Variants in PODN observed in about 807,000 individuals in gnomAD.
The protein encoded by PODN is podocan proteoglycan.
Under a neutral mutation model 52.7 loss-of-function variants are expected in PODN, and 40 were observed. The observed-to-expected ratio is 0.76, with a 90% CI of 0.59 to 0.99. The LOEUF (loss-of-function observed/expected upper bound fraction) is 0.99. PODN is among the 50% of genes least tolerant of loss of function. PODN has a pLI of 0.00. For synonymous variants in PODN, 396 were observed against 377.9 expected, an observed-to-expected ratio of 1.05 and a Z score of -0.56; for missense variants, 720 against 815.1, an observed-to-expected ratio of 0.88 and a Z score of 1.42.
chr1:53,064,886 A>G (rs2150290430), intron 1 of PODN, among the ~76,000 whole-genome samples: 1 of 152,314 alleles, frequency 6.6e-6, no homozygotes, highest in African/African-American at 2.4e-5. Context: ...CTGTCTCTAA[A>G]GCTCTCCATA....
chr1:53,074,135 T>A (rs1319040177), intron 3 of PODN, among the ~76,000 whole-genome samples: 1 of 152,204 alleles, frequency 6.6e-6, no homozygotes, highest in Non-Finnish European at 1.5e-5. Flanking sequence ...GGGCTCCCGG[T>A]AGCAGCCGAG....
At chr1:53,076,072 C>T (rs1479035693) in intron 5 of PODN, 101 bp downstream of exon 5, 2 of 1,033,682 alleles carry the variant, frequency 1.9e-6, no homozygotes, top group African/African-American at 3.2e-5. Flanking sequence ...CCGAAGGAGG[C>T]CCTGCACTCA....
chr1:53,063,094 C>G (rs1333186517), intron 1 of PODN, among the ~76,000 whole-genome samples: 1 of 152,184 alleles, frequency 6.6e-6, no homozygotes, highest in African/African-American at 2.4e-5. Context: ...CGGCCTGGGG[C>G]GGGGGACGAG....
In PODN at chr1:53,084,536, T is replaced by TCTGCA. The variant is rs1225292355; in HGVS notation, c.*52_*56dup. 1 of 152,316 alleles carries TCTGCA rather than the reference T, an allele frequency of 6.6e-6. No individual in the cohort carries two copies. Among genetic ancestry groups the TCTGCA allele is most frequent in the African/African-American group, 2.4e-5 (1 of 41,376 alleles). 9.4% of individuals were successfully genotyped at this position (152,316 alleles called of 1,614,324 possible). ...AGGACGATGGACCGCCGGACTCTTT[T>TCTGCA]CTGCAGCACACGCCTGTGTGCTGTG... On this transcript the variant is annotated 3_prime_UTR_variant, in exon 11 of 11. Coordinates refer to ENST00000312553, the MANE Select transcript of PODN (RefSeq NM_153703.5).
chr1:53,083,575 C>T (rs990509091), intron 10 of PODN, among the ~76,000 whole-genome samples: 4 of 152,180 alleles, frequency 2.6e-5, no homozygotes, highest in South Asian at 2.1e-4. Context: ...TCCAGTCTTC[C>T]GTTTTCTCTG....
intron 6 of PODN, 79 bp from the exon 7 acceptor site, chr1:53,077,601 ACTCCT>A (rs1311482853): frequency 1.0e-5 from 14 of 1,341,394 alleles, no homozygotes; most frequent in Admixed American, 2.2e-5. Flanking sequence ...GGCTTCCCAG[ACTCCT>A]CTCCACACCT....
At chr1:53,065,047 G>C (rs1001787865) in intron 1 of PODN, among the ~76,000 whole-genome samples, 1 of 152,198 alleles carries the variant, frequency 6.6e-6, no homozygotes, top group South Asian at 2.1e-4. Context: ...AAGGGGCCTT[G>C]GGGGGCTTAT....
At chr1:53,076,061 C>T (rs1253477637) in intron 5 of PODN, 90 bp downstream of exon 5, 3 of 1,125,124 alleles carry the variant, frequency 2.7e-6, no homozygotes, top group Admixed American at 2.0e-5. Context: ...AGAGACAGGT[C>T]CCGAAGGAGG....
In PODN at chr1:53,081,997, G is replaced by A; in HGVS notation, c.1678G>A (p.Val560Met). ...GIFLRFNKLA[V>M]GSVVDSAFRR... ...CTCACACAGGTTTAACAAGCTGGCT[G>A]TGGGCTCCGTGGTGGACAGTGCCTT... is the stretch of plus-strand genomic sequence containing the variant. The change falls in exon 10 of 11, where the codon GTG becomes ATG. Residue 560 changes from valine (V) to methionine (M), a missense_variant. By Grantham distance (21) the Val-to-Met change is conservative. Transcript: ENST00000312553. 1.2e-6 allele frequency: 2 copies of A among 1,603,406 alleles called. No homozygotes were observed. The highest frequency in any genetic ancestry group is 1.7e-6 in the Non-Finnish European group (2 of 1,174,022).
chr1:53,064,565 C>T (rs1337592307), intron 1 of PODN, among the ~76,000 whole-genome samples: 1 of 152,158 alleles, frequency 6.6e-6, no homozygotes, highest in African/African-American at 2.4e-5. Context: ...GCTGAGGATC[C>T]GCCTCTTGAT....
chr1:53,078,342 T>G (rs369991164), intron 7 of PODN, 23 bp from the exon 8 acceptor site: 13 of 1,598,802 alleles, frequency 8.1e-6, no homozygotes, highest in Admixed American at 3.4e-5. Context: ...TTGCCAACCG[T>G]CCTAATTCCC....
Position 53,077,714 on chromosome 1 carries a change from G to A in PODN, c.768G>A (p.Gly256=). 6.2e-7 allele frequency: 1 copy of A among 1,613,572 alleles called. No homozygotes were observed. The change falls in exon 7 of 11, where the codon GGG becomes GGA. Residue 256 remains glycine (G), a synonymous_variant. Transcript: ENST00000312553. ...ACAAGCTGGAGAAGATCCCCCCGGG[G>A]GCCTTCAGCGAGCTGAGCAGCCTGC... The part of the protein sequence containing the change: ...KNNKLEKIPP[G]AFSELSSLRE...
intron 2 of PODN, chr1:53,071,212 G>A (rs949707436): frequency 2.4e-5 from 5 of 212,316 alleles, no homozygotes; most frequent in African/African-American, 1.1e-4. Context: ...AGCAGCTGTG[G>A]TTGCCTGTCA....
At chr1:53,077,561 G>A (rs1007667560) in intron 6 of PODN, 124 bp from the exon 7 acceptor site, 61 of 1,145,842 alleles carry the variant, frequency 5.3e-5, no homozygotes, top group Non-Finnish European at 7.2e-5. Context: ...CCCACACCTG[G>A]GTTGCTTCAG....
intron 5 of PODN, among the ~76,000 whole-genome samples, chr1:53,076,326 G>A (rs1028832537): frequency 1.4e-4 from 22 of 152,228 alleles, no homozygotes; most frequent in African/African-American, 5.1e-4. Context: ...CAGGCGGGGT[G>A]GGGGGCTGCC....
intron 1 of PODN, among the ~76,000 whole-genome samples, chr1:53,062,967 C>T (rs1419994810): frequency 2.0e-5 from 3 of 152,220 alleles, no homozygotes. Context: ...GGCTGCTTCC[C>T]AGCCGGGACA....
At chr1:53,068,549 T>G (rs556961427) in intron 1 of PODN, among the ~76,000 whole-genome samples, 11 of 152,336 alleles carry the variant, frequency 7.2e-5, no homozygotes, top group Admixed American at 1.3e-4. Context: ...CCTTATCACC[T>G]CATCACCTAA....
intron 9 of PODN, among the ~76,000 whole-genome samples, chr1:53,081,131 T>A (rs1400297357): frequency 2.6e-5 from 4 of 152,378 alleles, no homozygotes; most frequent in Middle Eastern, 3.4e-3. Context: ...GGACAGCATC[T>A]TCCTGGTTTG....
chr1:53,081,788 G>A (rs1644299184), intron 9 of PODN, among the ~76,000 whole-genome samples, 193 bp from the exon 10 acceptor site: 1 of 152,200 alleles, frequency 6.6e-6, no homozygotes, highest in Non-Finnish European at 1.5e-5. Context: ...CCCACCACAA[G>A]CTGCAGCTGC....
Sources: gnomAD v4.1 joint callset for allele counts (sites outside exome capture counted in the v4.1 genomes callset) on GRCh38, gnomAD v4.1.1 for gene constraint, MANE v1.5 for transcripts, NCBI Gene and HGNC (gene_info 2026-07-23, HGNC 2026-07-21) for gene names.